EDA: variants seen among roughly 807,000 people sequenced by gnomAD.
The protein encoded by EDA is ectodysplasin A.
A neutral mutation model predicts 23.6 loss-of-function variants in EDA; 2 were observed. The ratio of observed to expected loss-of-function variants is 0.08; its 90% CI spans 0.03 to 0.27. The LOEUF is 0.27. EDA is among the 10% of genes least tolerant of loss of function. EDA has a pLI of 1.00. For missense variants in EDA, 229 were observed against 324.2 expected (o/e 0.71, Z 2.26); for synonymous variants, 131 against 132.0 (o/e 0.99, Z 0.05).
At position 69,967,894 on chromosome X, in the gene EDA, C is replaced by T. The variant is rs141210172; in HGVS notation, c.502+10762C>T. 2.6e-3 allele frequency among the ~76,000 whole-genome samples: 294 copies of T among 111,742 alleles called. 2 individuals carry two copies. The highest frequency in any genetic ancestry group is 8.8e-3 in the African/African-American group (272 of 30,761). On this transcript the variant is annotated intron_variant, in intron 2 of 7. Transcript: ENST00000374552. ...TATTCAGTAAGAAAGATGTTGGCAACGCTGGTGAGAGCAGTTTTAGTACAG... is the reference window on the plus strand; with the variant it reads ...TATTCAGTAAGAAAGATGTTGGCAATGCTGGTGAGAGCAGTTTTAGTACAG...
chrX:69,859,704 T>TGC (rs2017338132), intron 1 of EDA, among the ~76,000 whole-genome samples: 9 of 111,476 alleles, frequency 8.1e-5, no homozygotes, highest in Non-Finnish European at 1.1e-4. Flanking sequence ...ATTCTGTAGT[T>TGC]TTTGGGTGGA....
intron 1 of EDA, among the ~76,000 whole-genome samples, chrX:69,723,722 A>G (rs771908348): frequency 3.6e-5 from 4 of 111,956 alleles, no homozygotes; most frequent in African/African-American, 6.5e-5. Flanking sequence ...TCCCAAAACT[A>G]TCTTAATTAG....
At chrX:69,981,952 A>G (rs771571041) in intron 2 of EDA, among the ~76,000 whole-genome samples, 1 of 111,436 alleles carries the variant, frequency 9.0e-6, no homozygotes, top group South Asian at 3.8e-4. Flanking sequence ...CACTGTTATG[A>G]TCAGCCTGGT....
chrX:69,955,090 T>C (rs976686968), intron 1 of EDA, among the ~76,000 whole-genome samples: 3 of 111,914 alleles, frequency 2.7e-5, no homozygotes, highest in Non-Finnish European at 5.6e-5. Flanking sequence ...ACTTGTAGAG[T>C]TGCAAATGAT....
chrX:69,957,317 C>A (rs1216071413), intron 2 of EDA, 185 bp downstream of exon 2: 4 of 416,791 alleles, frequency 9.6e-6, no homozygotes, highest in East Asian at 4.3e-5. Context: ...CATGGTGAAA[C>A]CCTGTCTCTA....
At chrX:69,854,084 T>C (rs1026059290) in intron 1 of EDA, among the ~76,000 whole-genome samples, 1 of 111,544 alleles carries the variant, frequency 9.0e-6, no homozygotes, top group Non-Finnish European at 1.9e-5. Flanking sequence ...ATTATATAGA[T>C]TATTTCGTCA....
intron 1 of EDA, among the ~76,000 whole-genome samples, chrX:69,668,211 T>G (rs1330661654): frequency 8.9e-6 from 1 of 112,489 alleles, no homozygotes; most frequent in Non-Finnish European, 1.9e-5. Context: ...ATTTTCAAAT[T>G]GCCCTTTTGA....
At chrX:70,015,309 A>G (rs2019931750) in intron 2 of EDA, among the ~76,000 whole-genome samples, 1 of 112,167 alleles carries the variant, frequency 8.9e-6, no homozygotes, top group Admixed American at 9.5e-5. Context: ...ACAGTGGCTC[A>G]CGTCTGTAAT....
chrX:69,863,504 TAC>T (rs1335735873), intron 1 of EDA, among the ~76,000 whole-genome samples: 32 of 74,719 alleles, frequency 4.3e-4, no homozygotes, highest in Admixed American at 9.3e-4. Context: ...TATATATATA[TAC>T]ATATATATGT....
At chrX:69,778,077 A>G (rs2014837144) in intron 1 of EDA, among the ~76,000 whole-genome samples, 1 of 111,598 alleles carries the variant, frequency 9.0e-6, no homozygotes, top group African/African-American at 3.2e-5. Context: ...GATCATATTT[A>G]GTTGAGTTTC....
chrX:69,956,978 A>G (rs760721222), intron 1 of EDA, 49 bp from the exon 2 acceptor site: 3 of 1,120,045 alleles, frequency 2.7e-6, no homozygotes, highest in Admixed American at 2.2e-5. Flanking sequence ...TATGTTGGCT[A>G]TGACTGAGTG....
At chrX:69,950,264 T>A (rs2018896766) in intron 1 of EDA, among the ~76,000 whole-genome samples, 1 of 59,525 alleles carries the variant, frequency 1.7e-5, no homozygotes, top group Non-Finnish European at 3.0e-5. Flanking sequence ...AACAACCCCA[T>A]CAAAAAGTGG....
intron 1 of EDA, among the ~76,000 whole-genome samples, chrX:69,732,626 G>T (rs1242159171): frequency 1.8e-5 from 2 of 111,781 alleles, no homozygotes; most frequent in Non-Finnish European, 3.8e-5. Flanking sequence ...GTAATGGGAT[G>T]GCTGGGTCAA....
intron 1 of EDA, among the ~76,000 whole-genome samples, chrX:69,942,562 G>T (rs1359420269): frequency 9.0e-6 from 1 of 111,361 alleles, no homozygotes; most frequent in Non-Finnish European, 1.9e-5. Flanking sequence ...TCTGCTGCCA[G>T]ATGTATACAG....
intron 1 of EDA, among the ~76,000 whole-genome samples, chrX:69,943,826 G>A (rs1048763653): frequency 3.6e-5 from 4 of 109,893 alleles, no homozygotes; most frequent in African/African-American, 9.9e-5. Flanking sequence ...ATGGAGTCAG[G>A]AAGCATAGGA....
chrX:69,998,771 T>C (rs1378279594), intron 2 of EDA, among the ~76,000 whole-genome samples: 2 of 111,857 alleles, frequency 1.8e-5, no homozygotes, highest in Non-Finnish European at 3.8e-5. Flanking sequence ...TCACAAGATC[T>C]GATGGTTTGA....
At chrX:69,704,355 T>G in intron 1 of EDA, among the ~76,000 whole-genome samples, 1 of 111,947 alleles carries the variant, frequency 8.9e-6, no homozygotes. Flanking sequence ...ACCAAGATTT[T>G]ATCATGCAGA....
intron 1 of EDA, among the ~76,000 whole-genome samples, chrX:69,860,703 C>T (rs992570774): frequency 9.0e-6 from 1 of 111,086 alleles, no homozygotes; most frequent in African/African-American, 3.3e-5. Context: ...GATTATGTGT[C>T]TTGGGGTCGA....
At chrX:70,018,875 C>A (rs778188868) in intron 2 of EDA, among the ~76,000 whole-genome samples, 1 of 111,763 alleles carries the variant, frequency 8.9e-6, no homozygotes, top group South Asian at 3.7e-4. Context: ...CATAGCAAAA[C>A]AGCAAAAGAA....
Sources: gnomAD v4.1 joint callset for allele counts (sites outside exome capture counted in the v4.1 genomes callset) on GRCh38, gnomAD v4.1.1 for gene constraint, MANE v1.5 for transcripts, NCBI Gene and HGNC (gene_info 2026-07-23, HGNC 2026-07-21) for gene names.